Variants in NEXMIF observed in about 807,000 individuals in gnomAD.
NEXMIF encodes XLMR protein related to neurite extension.
NEXMIF carries 8 observed loss-of-function variants against 62.1 expected under a neutral mutation model. The observed-to-expected ratio is 0.13, with a 90% CI of 0.08 to 0.23. The LOEUF (loss-of-function observed/expected upper bound fraction) is 0.23. Ranked by LOEUF, NEXMIF falls within the 10% of genes least tolerant of loss-of-function variation. The probability of loss-of-function intolerance (pLI) is 1.00; values close to 1 mark genes in which losing one functional copy is unlikely to be tolerated. For missense variants in NEXMIF, 976 were observed against 1,113.3 expected (o/e 0.88, Z 1.75); for synonymous variants, 404 against 416.6 (o/e 0.97, Z 0.37).
At chrX:74,859,007 C>A (rs1284808140) in intron 1 of NEXMIF, among the ~76,000 whole-genome samples, 1 of 109,630 alleles carries the variant, frequency 9.1e-6, no homozygotes, top group Non-Finnish European at 1.9e-5. Context: ...TGATGCATGC[C>A]TATAAAATCT....
In NEXMIF at chrX:74,820,330, TATA is replaced by T. The variant is rs759039271; in HGVS notation, c.-47-74636_-47-74634del. Among the ~76,000 whole-genome samples, 241 of 108,155 alleles carry T rather than the reference TATA, an allele frequency of 2.2e-3. 1 individual carries two copies. Among genetic ancestry groups the T allele is most frequent in the African/African-American group, 6.3e-3 (188 of 29,831 alleles). The allele number at this position is 108,155 out of a possible 115,157, so 93.9% of individuals were successfully genotyped here. A position where few individuals can be genotyped will look rare whatever the true frequency, so the allele number is the denominator to read the frequency against. On this transcript the variant is annotated intron_variant, in intron 1 of 3. Coordinates refer to ENST00000055682, the MANE Select transcript of NEXMIF (RefSeq NM_001008537.3). ...TGCACATGTACCCTAGAACTTAAAGTATAATAATAATAATAATAATAATAACCT... is the reference window on the plus strand; with the variant it reads ...TGCACATGTACCCTAGAACTTAAAGTATAATAATAATAATAATAATAACCT...
chrX:74,799,619 A>G (rs1007793508), intron 1 of NEXMIF, among the ~76,000 whole-genome samples: 2 of 111,373 alleles, frequency 1.8e-5, no homozygotes, highest in African/African-American at 6.5e-5. Flanking sequence ...ATGAACTCTC[A>G]AAACAAGTAA....
intron 1 of NEXMIF, among the ~76,000 whole-genome samples, chrX:74,844,997 A>G (rs1049577163): frequency 8.9e-6 from 1 of 112,682 alleles, no homozygotes; most frequent in Admixed American, 9.4e-5. Flanking sequence ...GGTTTAGCTA[A>G]ATAAATAATG....
intron 1 of NEXMIF, among the ~76,000 whole-genome samples, chrX:74,918,022 G>A (rs887618671): frequency 3.6e-5 from 4 of 110,943 alleles, no homozygotes; most frequent in African/African-American, 6.6e-5. Flanking sequence ...ATGCTTGTAC[G>A]GTAGCTGAGG....
chrX:74,910,746 A>G (rs760626040), intron 1 of NEXMIF, among the ~76,000 whole-genome samples: 1 of 111,497 alleles, frequency 9.0e-6, no homozygotes, highest in South Asian at 3.9e-4. Flanking sequence ...TGTCAGAGAT[A>G]ATTTGAATCA....
rs752312881 is a variant in NEXMIF at position 74,799,969 on chromosome X, C to T, written c.-47-54272G>A. ...ATAATAGCTGGAGACTTCAAAACCCCACTTTTAATGATAGACAGAACAACT... is the reference window on the plus strand; with the variant it reads ...ATAATAGCTGGAGACTTCAAAACCCTACTTTTAATGATAGACAGAACAACT... On this transcript the variant is annotated intron_variant, in intron 1 of 3. Coordinates refer to ENST00000055682, the MANE Select transcript of NEXMIF (RefSeq NM_001008537.3). 3.1e-4 allele frequency among the ~76,000 whole-genome samples: 35 copies of T among 111,160 alleles called. 1 individual carries two copies. The South Asian group carries it at 0.013, about 42-fold the overall frequency.
intron 1 of NEXMIF, among the ~76,000 whole-genome samples, chrX:74,826,739 G>A (rs1243742725): frequency 9.0e-6 from 1 of 110,582 alleles, no homozygotes; most frequent in Non-Finnish European, 1.9e-5. Flanking sequence ...TAATTTTATA[G>A]TTTCAGGCTT....
chrX:74,925,026 T>C lies in NEXMIF; in HGVS notation c.-191A>G, dbSNP rs1050250028. The C allele has an allele frequency of 4.5e-3, 541 of 120,119 alleles. 1 individual carries two copies. Among genetic ancestry groups the C allele is most frequent in the Middle Eastern group, 0.017 (4 of 242 alleles). The allele number at this position is 120,119 out of a possible 1,213,427, so 9.9% of individuals were successfully genotyped here. On this transcript the variant is annotated 5_prime_UTR_variant, in exon 1 of 4. Coordinates refer to ENST00000055682, the MANE Select transcript of NEXMIF (RefSeq NM_001008537.3). ...TAGCCGCCACCGCCGCTGCTACTGC[T>C]GCCGCCGCCGCCGCCGCCTCTGCCT...
chrX:74,744,296 G>C lies in NEXMIF; in HGVS notation c.261C>G (p.Pro87=), dbSNP rs758313606. ...PPSPLGLIEA[P]EHAANSASVN... ...CAGAAGCACTATTAGCAGCATGTTCGGGTGCTTCAATCAGGCCCAAAGGAG... is the reference window on the plus strand; with the variant it reads ...CAGAAGCACTATTAGCAGCATGTTCCGGTGCTTCAATCAGGCCCAAAGGAG... The change falls in exon 3 of 4, where the codon CCC becomes CCG. Residue 87 remains proline (P), a synonymous_variant. Coordinates refer to ENST00000055682, the MANE Select transcript of NEXMIF (RefSeq NM_001008537.3). 1.7e-6 allele frequency: 2 copies of C among 1,209,425 alleles called. No homozygotes were observed. The highest frequency in any genetic ancestry group is 1.8e-5 in the South Asian group (1 of 56,748).
intron 1 of NEXMIF, among the ~76,000 whole-genome samples, chrX:74,887,237 T>C (rs1483088278): frequency 9.0e-6 from 1 of 111,554 alleles, no homozygotes; most frequent in Non-Finnish European, 1.9e-5. Context: ...GACATAGGCA[T>C]GGGCAAGGAC....
At chrX:74,921,745 A>C (rs998458569) in intron 1 of NEXMIF, among the ~76,000 whole-genome samples, 1 of 110,874 alleles carries the variant, frequency 9.0e-6, no homozygotes, top group Non-Finnish European at 1.9e-5. Context: ...AATAATGTCC[A>C]AACCAAAAAT....
rs150641810 is a variant in NEXMIF at position 74,767,457 on chromosome X, G to A, written c.-47-21760C>T. Among the ~76,000 whole-genome samples the A allele has an allele frequency of 1.5e-4, 17 of 111,769 alleles. No homozygotes were observed. In the Middle Eastern group the frequency reaches 0.019, roughly 125 times the overall value. ...ACCAGTAAGGATGGTTGTAGGCTTC[G>A]GTTGGGAGATTCTGCCCAGTGAAGA... is the stretch of plus-strand genomic sequence containing the variant. On this transcript the variant is annotated intron_variant, in intron 1 of 3. Coordinates refer to ENST00000055682, the MANE Select transcript of NEXMIF (RefSeq NM_001008537.3).
chrX:74,887,262 A>C (rs1333213670), intron 1 of NEXMIF, among the ~76,000 whole-genome samples: 1 of 111,497 alleles, frequency 9.0e-6, no homozygotes. Flanking sequence ...TGTCGAAAAC[A>C]CCAAAAGCAA....
At chrX:74,914,384 A>G (rs1407225218) in intron 1 of NEXMIF, among the ~76,000 whole-genome samples, 1 of 112,256 alleles carries the variant, frequency 8.9e-6, no homozygotes, top group African/African-American at 3.2e-5. Context: ...GGCCAGGTGC[A>G]GTGGCTCATG....
At chrX:74,867,011 C>A (rs1460073847) in intron 1 of NEXMIF, among the ~76,000 whole-genome samples, 1 of 112,078 alleles carries the variant, frequency 8.9e-6, no homozygotes, top group Non-Finnish European at 1.9e-5. Flanking sequence ...AGAAACAAAT[C>A]ATAAATGAAC....
chrX:74,907,560 G>C (rs1179282913), intron 1 of NEXMIF, among the ~76,000 whole-genome samples: 2 of 110,723 alleles, frequency 1.8e-5, no homozygotes, highest in Non-Finnish European at 3.8e-5. Flanking sequence ...ATCATCTCTA[G>C]ACCAAGCCTC....
chrX:74,780,669 G>A (rs1043536635), intron 1 of NEXMIF, among the ~76,000 whole-genome samples: 32 of 111,351 alleles, frequency 2.9e-4, no homozygotes, highest in African/African-American at 1.0e-3. Context: ...GAGCCACTGC[G>A]CCTAGCCCCA....
chrX:74,877,206 G>T, intron 1 of NEXMIF, among the ~76,000 whole-genome samples: 1 of 111,046 alleles, frequency 9.0e-6, no homozygotes, highest in South Asian at 3.9e-4. Context: ...AAATCTCTCA[G>T]CATTTGCTTA....
chrX:74,741,564 G>A lies in NEXMIF; in HGVS notation c.2993C>T (p.Pro998Leu). 1.7e-6 allele frequency: 2 copies of A among 1,211,658 alleles called. No individual in the cohort carries two copies. The highest frequency in any genetic ancestry group is 4.6e-4 in the Middle Eastern group (2 of 4,353). ...ATAATTACTTGAGCTGACAGAGAGT[G>A]GGGCCATTGAATCAAAGCTAAAGAG... ...GRLFSFDSMA[P>L]LSVSSSNYCS... The change falls in exon 3 of 4, where the codon CCA (proline) becomes CTA (leucine). Residue 998 changes from proline to leucine, a missense_variant. Pro to Leu is a moderately conservative substitution (Grantham distance 98). Around this residue, in one of 5 missense-constraint regions of NEXMIF, gnomAD observed 639 missense variants for 694.5 expected, o/e 0.92. Coordinates refer to ENST00000055682, the MANE Select transcript of NEXMIF (RefSeq NM_001008537.3).
Sources: allele counts gnomAD v4.1 joint callset (sites outside exome capture counted in the v4.1 genomes callset), GRCh38; gene constraint gnomAD v4.1.1; regional missense constraint gnomAD v4.1.1; transcripts MANE v1.5; gene names NCBI Gene and HGNC (gene_info 2026-07-23, HGNC 2026-07-21).